The following ACKR2 variants were observed in gnomAD, a reference collection of about 807,000 sequenced individuals.
ACKR2 encodes atypical chemokine receptor 2, also known as C-C chemokine receptor D6.
For missense variants in ACKR2, 457 were observed against 477.3 expected (o/e 0.96, Z 0.40); for synonymous variants, 207 against 192.2 (o/e 1.08, Z -0.64).
chr3:42,862,688 G>T (rs1297805627), intron 2 of ACKR2, among the ~76,000 whole-genome samples: 5 of 152,026 alleles, frequency 3.3e-5, no homozygotes, highest in Non-Finnish European at 7.4e-5. Flanking sequence ...CAGAACAGAG[G>T]CCTCAGAAAT....
At chr3:42,831,174 T>C (rs1156950728) in intron 2 of ACKR2, among the ~76,000 whole-genome samples, 1 of 151,962 alleles carries the variant, frequency 6.6e-6, no homozygotes, top group Non-Finnish European at 1.5e-5. Context: ...AAACAAAAAA[T>C]AAAAGGTGAA....
chr3:42,827,069 T>C (rs1700872602), intron 2 of ACKR2, among the ~76,000 whole-genome samples: 1 of 152,200 alleles, frequency 6.6e-6, no homozygotes. Context: ...AATTCCATTA[T>C]GGTTGGAGAA....
chr3:42,845,853 A>G (rs1336270417), intron 2 of ACKR2, among the ~76,000 whole-genome samples: 1 of 151,250 alleles, frequency 6.6e-6, no homozygotes, highest in African/African-American at 2.4e-5. Context: ...CGTCTCAAAA[A>G]AAAAAAAAAA....
intron 2 of ACKR2, among the ~76,000 whole-genome samples, chr3:42,853,271 T>C (rs1701182687): frequency 6.6e-6 from 1 of 152,174 alleles, no homozygotes. Flanking sequence ...TGGTTTCCAG[T>C]TCTGCCATAT....
At chr3:42,833,851 C>T (rs1344424237) in intron 2 of ACKR2, among the ~76,000 whole-genome samples, 1 of 151,856 alleles carries the variant, frequency 6.6e-6, no homozygotes, top group African/African-American at 2.4e-5. Flanking sequence ...GATTTTCAAC[C>T]CTGTGTTGAG....
At chr3:42,822,050 C>A (rs958916248) in intron 2 of ACKR2, among the ~76,000 whole-genome samples, 2 of 152,048 alleles carry the variant, frequency 1.3e-5, no homozygotes, top group African/African-American at 2.4e-5. Flanking sequence ...TCAATCAAAA[C>A]TTTTGTTTTG....
chr3:42,860,182 A>AAAAAAAAAAAAAAAAC (rs2088368928), intron 2 of ACKR2, among the ~76,000 whole-genome samples: 1 of 144,552 alleles, frequency 6.9e-6, no homozygotes, highest in Non-Finnish European at 1.5e-5. Context: ...AAAAAAAAAA[A>AAAAAAAAAAAAAAAAC]AAAAAAAGCA....
intron 2 of ACKR2, among the ~76,000 whole-genome samples, chr3:42,839,815 G>A (rs964556655): frequency 1.3e-5 from 2 of 152,178 alleles, no homozygotes; most frequent in African/African-American, 4.8e-5. Context: ...GGGCTGCGGT[G>A]TTTAGAATGT....
At chr3:42,820,915 C>T (rs1371696064) in intron 2 of ACKR2, among the ~76,000 whole-genome samples, 2 of 150,656 alleles carry the variant, frequency 1.3e-5, no homozygotes, top group East Asian at 3.9e-4. Context: ...GATGGAGTCT[C>T]ACACTGTTGC....
At chr3:42,812,997 TC>T (rs1349075137) in intron 1 of ACKR2, among the ~76,000 whole-genome samples, 1 of 152,186 alleles carries the variant, frequency 6.6e-6, no homozygotes, top group Non-Finnish European at 1.5e-5. Flanking sequence ...CCTTCAGCTT[TC>T]TTTTGGTTCT....
chr3:42,821,639 C>T (rs1700810176), intron 2 of ACKR2, among the ~76,000 whole-genome samples: 1 of 152,054 alleles, frequency 6.6e-6, no homozygotes, highest in African/African-American at 2.4e-5. Flanking sequence ...TCTTGCCTCT[C>T]TATCTTTTCT....
At chr3:42,823,142 C>T (rs181574565) in intron 2 of ACKR2, among the ~76,000 whole-genome samples, 172 of 152,296 alleles carry the variant, frequency 1.1e-3, no homozygotes, top group Non-Finnish European at 1.9e-3. Context: ...GCTGAAGTGG[C>T]GGGACAGTCT....
At chr3:42,836,579 G>A (rs1700989584) in intron 2 of ACKR2, among the ~76,000 whole-genome samples, 1 of 152,220 alleles carries the variant, frequency 6.6e-6, no homozygotes, top group African/African-American at 2.4e-5. Flanking sequence ...GTTGACCATT[G>A]TCATGACTCT....
In ACKR2 at chr3:42,852,184, G is replaced by A. The variant is rs938756519; in HGVS notation, c.-37-12282G>A. Among the ~76,000 whole-genome samples, 1 of 152,180 alleles carries A rather than the reference G, an allele frequency of 6.6e-6. No homozygotes were observed. Among genetic ancestry groups the A allele is most frequent in the African/African-American group, 2.4e-5 (1 of 41,444 alleles). On this transcript the variant is annotated intron_variant, in intron 2 of 2. Coordinates refer to ENST00000422265, the MANE Select transcript of ACKR2 (RefSeq NM_001296.5). This position sits in a 1 kb window ranked among gnomAD's most constrained non-coding sequence, Gnocchi z 4.3. ...TAAGAAGTGAGTTAAGCTATATTCT[G>A]TCTGTTCTACCCTGCCTATTCTGTC...
At position 42,865,393 on chromosome 3, in the gene ACKR2, A is replaced by C. The variant is rs1265425816; in HGVS notation, c.891A>C (p.Thr297=). The C allele has an allele frequency of 6.2e-7, 1 of 1,613,492 alleles. No individual in the cohort carries two copies. The highest frequency in any genetic ancestry group is 8.5e-7 in the Non-Finnish European group (1 of 1,179,586). The stretch of plus-strand genomic sequence containing the variant: ...ATCTAGACTACGCACTCCAGGTAAC[A>C]GAGAGCATCGCCTTCCTTCACTGCT... The part of the protein sequence containing the change: ...SQHLDYALQV[T]ESIAFLHCCF... Residue 297 remains threonine, a synonymous_variant, in exon 3 of 3, where the codon ACA becomes ACC. Coordinates refer to ENST00000422265, the MANE Select transcript of ACKR2 (RefSeq NM_001296.5).
At chr3:42,812,680 C>CTTTTTTTTTTTTTTTTTTTTTTTTT (rs71616070) in intron 1 of ACKR2, among the ~76,000 whole-genome samples, 1 of 72,758 alleles carries the variant, frequency 1.4e-5, no homozygotes, top group African/African-American at 5.5e-5. Flanking sequence ...AATTTTCAGC[C>CTTTTTTTTTTTTTTTTTTTTTTTTT]TTTTTTTTTT....
chr3:42,863,811 A>G (rs187743147), intron 2 of ACKR2, among the ~76,000 whole-genome samples: 104 of 152,322 alleles, frequency 6.8e-4, no homozygotes, highest in African/African-American at 2.4e-3. Context: ...TTGAACAATG[A>G]TAACACATGG....
intron 1 of ACKR2, among the ~76,000 whole-genome samples, chr3:42,810,421 T>G (rs1461377298): frequency 6.6e-6 from 1 of 151,318 alleles, no homozygotes; most frequent in East Asian, 1.9e-4. Flanking sequence ...CCCCCCAATT[T>G]TTCTCCTTTT....
intron 2 of ACKR2, among the ~76,000 whole-genome samples, chr3:42,855,227 G>A (rs538403108): frequency 6.6e-6 from 1 of 152,258 alleles, no homozygotes; most frequent in Admixed American, 6.5e-5. Flanking sequence ...CTAAGGATGA[G>A]GTGGGACCAG....
Sources: gnomAD v4.1 joint callset for allele counts (sites outside exome capture counted in the v4.1 genomes callset) on GRCh38, gnomAD v4.1.1 for gene constraint, Gnocchi (gnomAD v3.1) non-coding constraint, MANE v1.5 for transcripts, NCBI Gene and HGNC (gene_info 2026-07-23, HGNC 2026-07-21) for gene names.